The following AGBL4 variants were observed in gnomAD, a reference collection of about 807,000 sequenced individuals.
AGBL4 encodes AGBL carboxypeptidase 4.
AGBL4 carries 58 observed loss-of-function variants against 66.4 expected under a neutral mutation model. That is an observed-to-expected ratio of 0.87 (90% CI 0.71 to 1.09). The LOEUF is 1.09. AGBL4 is among the 50% of genes least tolerant of loss of function. The pLI is 0.00. For missense variants in AGBL4, 579 were observed against 631.0 expected, an observed-to-expected ratio of 0.92 and a Z score of 0.88; for synonymous variants, 234 against 222.9, an observed-to-expected ratio of 1.05 and a Z score of -0.44.
At chr1:48,638,841 C>A (rs1275304861) in intron 8 of AGBL4, among the ~76,000 whole-genome samples, 3 of 152,196 alleles carry the variant, frequency 2.0e-5, no homozygotes, top group Non-Finnish European at 4.4e-5. Context: ...TCCTCCTAAG[C>A]ATTTTCCTGT....
At chr1:49,089,270 A>C (rs1035447537) in intron 4 of AGBL4, among the ~76,000 whole-genome samples, 2 of 151,602 alleles carry the variant, frequency 1.3e-5, no homozygotes, top group African/African-American at 4.8e-5. Context: ...AACTGAAAGA[A>C]ATTGAGATGG....
intron 1 of AGBL4, among the ~76,000 whole-genome samples, chr1:49,965,195 T>C (rs1038802931): frequency 1.4e-4 from 21 of 152,130 alleles, no homozygotes; most frequent in Admixed American, 1.1e-3. Context: ...AATCCCATGC[T>C]CTCTAAGTGA....
chr1:49,315,064 A>G (rs911255370), intron 3 of AGBL4, among the ~76,000 whole-genome samples: 15 of 152,102 alleles, frequency 9.9e-5, no homozygotes, highest in African/African-American at 3.6e-4. Context: ...ACAGATATAT[A>G]GACCAATGGA....
chr1:49,592,051 C>G (rs1028281856), intron 3 of AGBL4, among the ~76,000 whole-genome samples: 1 of 152,092 alleles, frequency 6.6e-6, no homozygotes, highest in Non-Finnish European at 1.5e-5. Flanking sequence ...GATGAAGACT[C>G]CAAAAGCAAT....
chr1:49,775,929 T>C (rs1192520002), intron 2 of AGBL4, among the ~76,000 whole-genome samples: 1 of 152,120 alleles, frequency 6.6e-6, no homozygotes, highest in African/African-American at 2.4e-5. Context: ...TTCTGACTCT[T>C]AATAGTGAAT....
chr1:49,059,728 C>T (rs1644369211), intron 4 of AGBL4, among the ~76,000 whole-genome samples: 1 of 152,310 alleles, frequency 6.6e-6, no homozygotes, highest in Middle Eastern at 3.4e-3. Flanking sequence ...CGGGAGCCCA[C>T]CTCTTGTATC....
chr1:49,938,384 C>G (rs1191180698), intron 1 of AGBL4, among the ~76,000 whole-genome samples: 5 of 152,238 alleles, frequency 3.3e-5, no homozygotes, highest in Admixed American at 3.3e-4. Context: ...AGTCCAGGAC[C>G]AGATGGATTC....
At chr1:48,750,557 C>A (rs1211309985) in intron 6 of AGBL4, among the ~76,000 whole-genome samples, 2 of 152,214 alleles carry the variant, frequency 1.3e-5, no homozygotes, top group Non-Finnish European at 2.9e-5. Flanking sequence ...GCTCACCCTG[C>A]ATCCCAACTG....
At chr1:48,561,702 A>G (rs66545619) in intron 11 of AGBL4, among the ~76,000 whole-genome samples, 8,841 of 152,248 alleles carry the variant, frequency 0.058, 262 homozygotes, top group South Asian at 0.099. Flanking sequence ...CCTCCTGACT[A>G]CTTGAGCTGG....
chr1:48,750,599 G>A (rs1651548942), intron 6 of AGBL4, among the ~76,000 whole-genome samples: 1 of 152,198 alleles, frequency 6.6e-6, no homozygotes, highest in East Asian at 1.9e-4. Context: ...TCTTTAAGGT[G>A]GCAAGGGGGG....
rs145797589 is a variant in AGBL4 at position 48,805,344 on chromosome 1, T to C, written c.634+61847A>G. The stretch of plus-strand genomic sequence containing the variant: ...AAATTTGGGTTATTGCCTTTTGTTA[T>C]TGTAATGGCAGAACAATGTGCTCTT... On this transcript the variant is annotated intron_variant, in intron 6 of 13. Coordinates refer to ENST00000371839, the MANE Select transcript of AGBL4 (RefSeq NM_032785.4). 5.0e-4 allele frequency among the ~76,000 whole-genome samples: 76 copies of C among 152,314 alleles called. 1 individual carries two copies. In the South Asian group the frequency reaches 9.9e-3, roughly 20 times the overall value.
At chr1:49,134,413 C>T (rs1038793938) in intron 4 of AGBL4, among the ~76,000 whole-genome samples, 8 of 151,026 alleles carry the variant, frequency 5.3e-5, no homozygotes, top group Admixed American at 2.0e-4. Flanking sequence ...GAGACTAGGG[C>T]GTGTTTTCTC....
intron 5 of AGBL4, among the ~76,000 whole-genome samples, chr1:48,876,957 A>G (rs1029915272): frequency 6.6e-6 from 1 of 152,218 alleles, no homozygotes; most frequent in Non-Finnish European, 1.5e-5. Context: ...GGAAGTTAAG[A>G]TGCAGCATGC....
intron 1 of AGBL4, among the ~76,000 whole-genome samples, chr1:49,894,766 G>T (rs1423407781): frequency 6.6e-6 from 1 of 152,122 alleles, no homozygotes; most frequent in Non-Finnish European, 1.5e-5. Flanking sequence ...ATTCCTACAA[G>T]ATGTAGACAG....
At chr1:49,933,686 G>A (rs938118412) in intron 1 of AGBL4, among the ~76,000 whole-genome samples, 2 of 152,062 alleles carry the variant, frequency 1.3e-5, no homozygotes, top group Non-Finnish European at 2.9e-5. Context: ...GTAAGCAGTT[G>A]AAGTTAAGTT....
chr1:49,798,437 T>C (rs182294734), intron 2 of AGBL4, among the ~76,000 whole-genome samples: 35 of 152,312 alleles, frequency 2.3e-4, no homozygotes, highest in African/African-American at 7.2e-4. Context: ...ACTCCATTAA[T>C]GCATGCATTT....
At chr1:48,810,674 A>C (rs1007920254) in intron 6 of AGBL4, among the ~76,000 whole-genome samples, 23 of 152,344 alleles carry the variant, frequency 1.5e-4, no homozygotes, top group Non-Finnish European at 8.8e-5. Context: ...AAAATTTATT[A>C]GTGTTCAACA....
chr1:49,129,508 C>T (rs1487047412), intron 4 of AGBL4, among the ~76,000 whole-genome samples: 1 of 151,624 alleles, frequency 6.6e-6, no homozygotes, highest in Non-Finnish European at 1.5e-5. Context: ...GCTCCCCTTC[C>T]TGTGTCCATG....
chr1:49,747,497 A>G (rs1375154095), intron 2 of AGBL4, among the ~76,000 whole-genome samples: 2 of 152,184 alleles, frequency 1.3e-5, no homozygotes, highest in African/African-American at 2.4e-5. Context: ...GAATCTTCTG[A>G]GATTACAGGT....
Sources: gnomAD v4.1 joint callset for allele counts (sites outside exome capture counted in the v4.1 genomes callset) on GRCh38, gnomAD v4.1.1 for gene constraint, MANE v1.5 for transcripts, NCBI Gene and HGNC (gene_info 2026-07-23, HGNC 2026-07-21) for gene names.